GBP7: variants seen among roughly 807,000 people sequenced by gnomAD.
The protein encoded by GBP7 is guanylate-binding protein 7.
In GBP7, 43 loss-of-function variants were observed where a neutral mutation model predicts 61.3. The observed-to-expected ratio is 0.70, with a 90% CI of 0.55 to 0.91. GBP7 has a LOEUF of 0.91. Ranked by LOEUF, GBP7 falls within the 40% of genes least tolerant of loss-of-function variation. The pLI, the probability that GBP7 is intolerant of heterozygous loss-of-function variation, is 0.00. For missense variants in GBP7, 717 were observed against 740.5 expected (o/e 0.97, Z 0.37); for synonymous variants, 267 against 271.0 (o/e 0.99, Z 0.14).
In GBP7 at chr1:89,152,027, T is replaced by TAGAA. The variant is rs1682213581; in HGVS notation, c.625+240_625+241insTTCT. Among the ~76,000 whole-genome samples the TAGAA allele has an allele frequency of 4.6e-5, 7 of 152,332 alleles. 1 individual carries two copies. The South Asian group carries it at 1.4e-3, about 32-fold the overall frequency. On this transcript the variant is annotated intron_variant, in intron 5 of 10. Transcript: ENST00000294671. ...ATATATTTTTCATGGTACTTATTGGTCTAAAATCATTTGATAGAACTTTGA... is the reference window on the plus strand; with the variant it reads ...ATATATTTTTCATGGTACTTATTGGTAGAACTAAAATCATTTGATAGAACTTTGA...
intron 9 of GBP7, among the ~76,000 whole-genome samples, chr1:89,140,370 A>G (rs1681906963): frequency 1.3e-5 from 2 of 151,774 alleles, no homozygotes; most frequent in African/African-American, 4.8e-5. Context: ...CAGAACACCA[A>G]CATGGCACAT....
intron 9 of GBP7, among the ~76,000 whole-genome samples, chr1:89,138,568 AAG>A (rs1390456977): frequency 5.2e-4 from 79 of 152,258 alleles, no homozygotes; most frequent in Non-Finnish European, 3.4e-4. Flanking sequence ...CTAACAAAAA[AAG>A]CAATGGAGAA....
chr1:89,134,438 G>A (rs181938021), intron 9 of GBP7, among the ~76,000 whole-genome samples: 2 of 152,270 alleles, frequency 1.3e-5, no homozygotes, highest in Non-Finnish European at 2.9e-5. Flanking sequence ...CTCCTCATCG[G>A]TGTGTTGTTG....
Position 89,133,417 on chromosome 1 carries a change from T to C in GBP7, c.1503A>G (p.Glu501=), listed in dbSNP as rs1176178385. 6.2e-7 allele frequency: 1 copy of C among 1,613,978 alleles called. No individual in the cohort carries two copies. The highest frequency in any genetic ancestry group is 1.3e-5 in the African/African-American group (1 of 74,906). Residue 501 remains glutamate, a synonymous_variant, in exon 10 of 11, where the codon GAA becomes GAG. Coordinates refer to ENST00000294671, the MANE Select transcript of GBP7 (RefSeq NM_207398.3). ...KQAKKEAAEK[E]QELLRQKQKE... ...TCTGTTTTTGTCTTAGCAGCTCCTG[T>C]TCCTTTTCAGCTGCCTCCTTCTTAG...
chr1:89,173,155 C>T (rs918201527), intron 1 of GBP7, among the ~76,000 whole-genome samples: 8 of 152,010 alleles, frequency 5.3e-5, no homozygotes, highest in Admixed American at 4.6e-4. Context: ...CCTGCTTTAT[C>T]CCTAGAATCT....
intron 3 of GBP7, among the ~76,000 whole-genome samples, chr1:89,155,610 A>C (rs1247337774): frequency 1.3e-5 from 2 of 152,212 alleles, no homozygotes; most frequent in Non-Finnish European, 2.9e-5. Flanking sequence ...GGTAACAGTG[A>C]TTGAAGATCA....
chr1:89,169,035 C>T (rs991285625), intron 2 of GBP7, among the ~76,000 whole-genome samples: 4 of 152,014 alleles, frequency 2.6e-5, no homozygotes, highest in African/African-American at 7.3e-5. Flanking sequence ...CAAATTTAGT[C>T]CACAGCCTCC....
At chr1:89,164,949 C>G in intron 2 of GBP7, 91 bp from the exon 3 acceptor site, 1 of 1,311,530 alleles carries the variant, frequency 7.6e-7, no homozygotes, top group South Asian at 1.3e-5. Context: ...ACGTTAAGTT[C>G]CTGGCAGGGG....
At chr1:89,148,240 A>C (rs1380725586) in intron 7 of GBP7, among the ~76,000 whole-genome samples, 1 of 152,194 alleles carries the variant, frequency 6.6e-6, no homozygotes, top group Non-Finnish European at 1.5e-5. Flanking sequence ...TTTTGCTTAC[A>C]CTTCTAAGCT....
At chr1:89,172,038 C>T in intron 1 of GBP7, 84 bp from the exon 2 acceptor site, 1 of 964,074 alleles carries the variant, frequency 1.0e-6, no homozygotes, top group Non-Finnish European at 1.6e-6. Context: ...TCTTTGTTTT[C>T]TATTCTTGAA....
intron 9 of GBP7, among the ~76,000 whole-genome samples, chr1:89,141,056 T>C (rs543458503): frequency 6.6e-6 from 1 of 152,198 alleles, no homozygotes; most frequent in African/African-American, 2.4e-5. Context: ...GGGTGGAGGA[T>C]GGGAAGAGGG....
Position 89,168,741 on chromosome 1 carries a change from C to A in GBP7, c.190+3005G>T, listed in dbSNP as rs138661324. Among the ~76,000 whole-genome samples the A allele has an allele frequency of 3.2e-3, 493 of 152,040 alleles. 8 individuals are homozygous for A. The highest frequency in any genetic ancestry group is 0.028 in the East Asian group (147 of 5,174). ...CCTGAGGTCAGGAGTTCAAGACCAG[C>A]CTGACCAACATGGAGAAACCCTGTC... On this transcript the variant is annotated intron_variant, in intron 2 of 10. Coordinates refer to ENST00000294671, the MANE Select transcript of GBP7 (RefSeq NM_207398.3).
chr1:89,168,809 AAC>A, intron 2 of GBP7, among the ~76,000 whole-genome samples: 1 of 151,870 alleles, frequency 6.6e-6, no homozygotes, highest in South Asian at 2.1e-4. Flanking sequence ...CAACAACAAC[AAC>A]AAAAAACGGT....
chr1:89,152,926 A>G (rs981262101), intron 3 of GBP7, 149 bp from the exon 4 acceptor site: 17 of 508,834 alleles, frequency 3.3e-5, no homozygotes, highest in South Asian at 9.6e-5. Flanking sequence ...TAAGCTTTAT[A>G]TGCTTGCCAG....
rs745941547 is a variant in GBP7 at position 89,147,681 on chromosome 1, C to G, written c.1251G>C (p.Leu417Phe). Residue 417 changes from leucine (L) to phenylalanine (F), a missense_variant, in exon 8 of 11, where the codon TTG (leucine) becomes TTC (phenylalanine). This residue lies in a region of GBP7 where 312 missense variants were observed against 310.1 expected (regional missense o/e 1.01). Coordinates refer to ENST00000294671, the MANE Select transcript of GBP7 (RefSeq NM_207398.3). ...QAELKRLSEL[L>F]TESISRGTFF... ...AAGTTCCTCTTGAAATACTTTCTGT[C>G]AAGAGCTCTGAAAGCCGCTTAAGCT... 6.2e-7 allele frequency: 1 copy of G among 1,614,196 alleles called. No individual in the cohort carries two copies. Among genetic ancestry groups the G allele is most frequent in the Non-Finnish European group, 8.5e-7 (1 of 1,180,024 alleles).
chr1:89,171,431 T>TTAA (rs1368174718), intron 2 of GBP7, among the ~76,000 whole-genome samples: 1 of 152,176 alleles, frequency 6.6e-6, no homozygotes, highest in East Asian at 1.9e-4. Flanking sequence ...GATTGAAACA[T>TTAA]TCATTTTATC....
At chr1:89,133,202 C>T in intron 10 of GBP7, 56 bp downstream of exon 10, 1 of 1,427,156 alleles carries the variant, frequency 7.0e-7, no homozygotes, top group South Asian at 1.3e-5. Flanking sequence ...TGGCTCTTCC[C>T]TAAATGAGGA....
In GBP7 at chr1:89,171,824, C is replaced by A. The variant is rs140892211; in HGVS notation, c.112G>T (p.Val38Leu). The change falls in exon 2 of 11, where the codon GTA (valine) becomes TTA (leucine). Residue 38 changes from valine to leucine, a missense_variant. Transcript: ENST00000294671. ...LEILSAITQP[V>L]VVVAIVGLYR... ...AGGCCCACAATTGCCACCACTACTA[C>A]AGGCTGTGTAATGGCAGACAGGATT... is the stretch of plus-strand genomic sequence containing the variant. 25 of 1,613,702 alleles carry A rather than the reference C, an allele frequency of 1.5e-5. No individual in the cohort carries two copies. The highest frequency in any genetic ancestry group is 1.6e-4 in the Middle Eastern group (1 of 6,084).
intron 2 of GBP7, among the ~76,000 whole-genome samples, chr1:89,168,985 C>A (rs200830379): frequency 0.12 from 8,939 of 76,560 alleles, 924 homozygotes; most frequent in African/African-American, 0.34. Flanking sequence ...AAAAAAAAAA[C>A]AAAAAACAAA....
Sources: gnomAD v4.1 joint callset for allele counts (sites outside exome capture counted in the v4.1 genomes callset) on GRCh38, gnomAD v4.1.1 for gene constraint, gnomAD v4.1.1 regional missense constraint, MANE v1.5 for transcripts, NCBI Gene and HGNC (gene_info 2026-07-23, HGNC 2026-07-21) for gene names.